Variants in FOCAD observed in about 807,000 individuals in gnomAD.
The protein encoded by FOCAD is focadhesin.
Under a neutral mutation model 225.6 loss-of-function variants are expected in FOCAD, and 198 were observed. The ratio of observed to expected loss-of-function variants is 0.88; its 90% CI spans 0.78 to 0.99. The LOEUF (loss-of-function observed/expected upper bound fraction) is 0.99. Ranked by LOEUF, FOCAD falls within the 50% of genes least tolerant of loss-of-function variation. FOCAD has a pLI of 0.00. For missense variants in FOCAD, 2,713 were observed against 2,123.6 expected, an observed-to-expected ratio of 1.28 and a Z score of -5.46; for synonymous variants, 897 against 755.0, an observed-to-expected ratio of 1.19 and a Z score of -3.08.
chr9:20,807,666 A>G (rs960596362), intron 11 of FOCAD, among the ~76,000 whole-genome samples: 1 of 152,218 alleles, frequency 6.6e-6, no homozygotes, highest in African/African-American at 2.4e-5. Context: ...CTCAGTGGCC[A>G]TATAAAGCTA....
At chr9:20,898,290 G>A (rs1005195827) in intron 21 of FOCAD, among the ~76,000 whole-genome samples, 1 of 151,498 alleles carries the variant, frequency 6.6e-6, no homozygotes, top group Non-Finnish European at 1.5e-5. Context: ...TAATTTGGGA[G>A]CATCTCAAGA....
intron 7 of FOCAD, among the ~76,000 whole-genome samples, chr9:20,769,773 G>C (rs1818001934): frequency 1.3e-5 from 2 of 152,132 alleles, no homozygotes; most frequent in Non-Finnish European, 2.9e-5. Flanking sequence ...ACTCAGACAA[G>C]CTAGAAAAAT....
chr9:20,988,636 A>C (rs986870903), intron 41 of FOCAD, among the ~76,000 whole-genome samples: 1 of 152,006 alleles, frequency 6.6e-6, no homozygotes, highest in Admixed American at 6.5e-5. Context: ...ACACTTAATG[A>C]TTCTCTGATG....
At chr9:20,833,850 A>G (rs961839169) in intron 15 of FOCAD, among the ~76,000 whole-genome samples, 2 of 152,118 alleles carry the variant, frequency 1.3e-5, no homozygotes, top group African/African-American at 4.8e-5. Flanking sequence ...AAGACTGACA[A>G]TACTAAATAT....
At position 20,837,029 on chromosome 9, in the gene FOCAD, C is replaced by T. The variant is rs180762458; in HGVS notation, c.1920+13914C>T. On this transcript the variant is annotated intron_variant, in intron 15 of 43. Coordinates refer to ENST00000338382, the MANE Select transcript of FOCAD (RefSeq NM_001375567.1). Reference sequence around the variant, plus strand: ...ATCCTCCAGTCCCCTTTTCTCTGCTCTCTGCCCTTTAGTATTCCCAGATTT... The same window carrying T: ...ATCCTCCAGTCCCCTTTTCTCTGCTTTCTGCCCTTTAGTATTCCCAGATTT... 1.1e-4 allele frequency among the ~76,000 whole-genome samples: 17 copies of T among 152,200 alleles called. 1 individual carries two copies. In the East Asian group the frequency reaches 2.7e-3, roughly 24 times the overall value.
At chr9:20,916,236 TG>T (rs1833853448) in intron 23 of FOCAD, among the ~76,000 whole-genome samples, 1 of 152,220 alleles carries the variant, frequency 6.6e-6, no homozygotes, top group East Asian at 1.9e-4. Context: ...AGCAAGTGGT[TG>T]TTTTTTACTT....
intron 15 of FOCAD, among the ~76,000 whole-genome samples, chr9:20,844,530 T>G (rs1826887010): frequency 6.6e-6 from 1 of 151,652 alleles, no homozygotes; most frequent in Admixed American, 6.6e-5. Context: ...ATGGCTAATT[T>G]TTGTATTTTT....
chr9:20,748,062 G>A (rs1226438089), intron 5 of FOCAD, among the ~76,000 whole-genome samples: 1 of 151,686 alleles, frequency 6.6e-6, no homozygotes, highest in African/African-American at 2.4e-5. Flanking sequence ...TTGGGGGGTT[G>A]ATTATTTCAT....
chr9:20,912,552 A>T (rs183404701), intron 22 of FOCAD, among the ~76,000 whole-genome samples: 4 of 152,314 alleles, frequency 2.6e-5, no homozygotes, highest in African/African-American at 9.6e-5. Flanking sequence ...ACAAAGGCAG[A>T]TCACTAGCAG....
chr9:20,982,286 T>C (rs1471280401), intron 38 of FOCAD, 71 bp from the exon 39 acceptor site: 4 of 1,106,802 alleles, frequency 3.6e-6, no homozygotes, highest in Admixed American at 2.0e-5. Context: ...GAAAATCTAA[T>C]AATTTGTCAG....
At chr9:20,723,851 C>T in intron 4 of FOCAD, among the ~76,000 whole-genome samples, 1 of 152,206 alleles carries the variant, frequency 6.6e-6, no homozygotes, top group Non-Finnish European at 1.5e-5. Context: ...TTTTGGCTTA[C>T]AGTTCTACAG....
chr9:20,918,140 T>C (rs573963603), intron 24 of FOCAD, among the ~76,000 whole-genome samples: 2 of 152,338 alleles, frequency 1.3e-5, no homozygotes, highest in East Asian at 3.9e-4. Context: ...TCTTTGACCT[T>C]TACCTGTAAT....
At position 20,932,890 on chromosome 9, in the gene FOCAD, CT is replaced by C. The variant is rs112589234; in HGVS notation, c.3318-114del. ...AATAGGCAACTCATCAATATTGTCA[CT>C]TTTTTTTTTAAGAGAAATGCTGGTA... is the stretch of plus-strand genomic sequence containing the variant. On this transcript the variant is annotated intron_variant, in intron 27 of 43. Transcript: ENST00000338382. 8.8e-3 allele frequency: 5,314 copies of C among 605,736 alleles called. 10 individuals are homozygous for C. Among genetic ancestry groups the C allele is most frequent in the African/African-American group, 0.016 (864 of 52,384 alleles). 37.5% of individuals were successfully genotyped at this position (605,736 alleles called of 1,614,324 possible). A position where few individuals can be genotyped will look rare whatever the true frequency, so the allele number is the denominator to read the frequency against.
At chr9:20,951,153 C>A in intron 34 of FOCAD, 55 bp downstream of exon 34, 1 of 1,332,616 alleles carries the variant, frequency 7.5e-7, no homozygotes, top group Non-Finnish European at 1.1e-6. Context: ...GCCGACCCAG[C>A]GCTCTGTAGT....
At chr9:20,911,481 T>G (rs78758166) in intron 22 of FOCAD, among the ~76,000 whole-genome samples, 4,537 of 152,230 alleles carry the variant, frequency 0.03, 113 homozygotes, top group African/African-American at 0.069. Flanking sequence ...TCCATGAGAT[T>G]ATACAGATAA....
chr9:20,873,042 T>C (rs1829931121), intron 18 of FOCAD, among the ~76,000 whole-genome samples: 1 of 152,198 alleles, frequency 6.6e-6, no homozygotes, highest in Non-Finnish European at 1.5e-5. Flanking sequence ...GGATTTATAC[T>C]ATATTTTGTT....
rs1174087624 is a variant in FOCAD, at chr9:20,758,801, C to G, written c.494+610C>G. 3.9e-5 allele frequency among the ~76,000 whole-genome samples: 6 copies of G among 152,138 alleles called. No homozygotes were observed. In the East Asian group the frequency reaches 7.7e-4, roughly 20 times the overall value. On this transcript the variant is annotated intron_variant, in intron 6 of 43. Transcript: ENST00000338382. ...GCAGGAGAAGGAAATAAAGGGTATT[C>G]AATTATGAAAAGAGGAAGTCAAATT...
chr9:20,944,678 C>T lies in FOCAD; in HGVS notation c.3459C>T (p.Ser1153=), dbSNP rs773170288. The part of the protein sequence containing the change: ...VGLVLSLMSH[S]SQMQSRVHVA... The stretch of plus-strand genomic sequence containing the variant: ...TTGTTCTGTCCCTCATGAGCCACAG[C>T]AGCCAAATGCAGTCCCGCGTTCACG... The change falls in exon 29 of 44, where the codon AGC becomes AGT. Residue 1153 remains serine, a synonymous_variant. Transcript: ENST00000338382. 9.3e-6 allele frequency: 15 copies of T among 1,614,144 alleles called. No individual in the cohort carries two copies. Among genetic ancestry groups the T allele is most frequent in the Non-Finnish European group, 1.3e-5 (15 of 1,179,976 alleles).
intron 1 of FOCAD, among the ~76,000 whole-genome samples, chr9:20,686,393 G>A (rs886100799): frequency 2.0e-5 from 3 of 152,282 alleles, no homozygotes; most frequent in Admixed American, 2.0e-4. Flanking sequence ...CTGACCTCAA[G>A]TGATCCCTCC....
Sources: gnomAD v4.1 joint callset for allele counts (sites outside exome capture counted in the v4.1 genomes callset) on GRCh38, gnomAD v4.1.1 for gene constraint, MANE v1.5 for transcripts, NCBI Gene and HGNC (gene_info 2026-07-23, HGNC 2026-07-21) for gene names.